SLC7A1: variants seen among roughly 807,000 people sequenced by gnomAD.
The protein encoded by SLC7A1 is solute carrier family 7 member 1, also known as high affinity cationic amino acid transporter 1.
Under a neutral mutation model 53.9 loss-of-function variants are expected in SLC7A1, and 10 were observed. That is an observed-to-expected ratio of 0.19 (90% confidence interval 0.11 to 0.31). The LOEUF (loss-of-function observed/expected upper bound fraction) is 0.31, where lower values mean the gene tolerates loss of function less well. SLC7A1 is among the 10% of genes least tolerant of loss of function. The pLI, the probability that SLC7A1 is intolerant of heterozygous loss-of-function variation, is 1.00. For missense variants in SLC7A1, 525 were observed against 827.2 expected (o/e 0.63, Z 4.48); for synonymous variants, 342 against 338.7 (o/e 1.01, Z -0.11).
chr13:29,523,417 C>A lies in SLC7A1; in HGVS notation c.898G>T (p.Ala300Ser). The A allele has an allele frequency of 6.2e-7, 1 of 1,613,914 alleles. No homozygotes were observed. The highest frequency in any genetic ancestry group is 1.3e-5 in the African/African-American group (1 of 75,014). The part of the protein sequence containing the change: ...IVASLLICFI[A>S]YFGVSAALTL... ...AGGGCAGCCGACACCCCAAAGTAGG[C>A]GATGAAGCAGATCAAGAGGGACGCC... is the stretch of plus-strand genomic sequence containing the variant. Residue 300 changes from alanine (A) to serine (S), a missense_variant, in exon 7 of 13, where the codon GCC becomes TCC. By Grantham distance (99) the Ala-to-Ser change is moderately conservative. Transcript: ENST00000380752.
At chr13:29,536,947 C>T (rs868685861) in intron 2 of SLC7A1, among the ~76,000 whole-genome samples, 1 of 152,218 alleles carries the variant, frequency 6.6e-6, no homozygotes, top group Non-Finnish European at 1.5e-5. Flanking sequence ...ATTCATCCAT[C>T]CCACCCTCAC....
chr13:29,553,315 C>T (rs567421369), intron 2 of SLC7A1, among the ~76,000 whole-genome samples: 1 of 152,318 alleles, frequency 6.6e-6, no homozygotes, highest in East Asian at 1.9e-4. Flanking sequence ...CGCATCACAG[C>T]CGCTGTGCTG....
intron 1 of SLC7A1, among the ~76,000 whole-genome samples, chr13:29,577,891 C>T (rs768324858): frequency 2.2e-4 from 33 of 152,182 alleles, no homozygotes; most frequent in South Asian, 4.1e-4. Flanking sequence ...CAAGGAGAAC[C>T]ACGTTCTTCT....
chr13:29,563,193 C>T (rs1440499344), intron 1 of SLC7A1, among the ~76,000 whole-genome samples: 1 of 152,140 alleles, frequency 6.6e-6, no homozygotes, highest in Admixed American at 6.5e-5. Context: ...TAGGTTGTCG[C>T]AATTGAAGGA....
At position 29,568,765 on chromosome 13, in the gene SLC7A1, C is replaced by T. The variant is rs552283543; in HGVS notation, c.-114-14905G>A. 3.9e-5 allele frequency among the ~76,000 whole-genome samples: 6 copies of T among 152,246 alleles called. No homozygotes were observed. In the South Asian group the frequency reaches 1.2e-3, roughly 32 times the overall value. ...GAGATGATGATCATGAGACTGAGAC[C>T]TTGTGTGGCCGCAAAGCCTAAAATA... On this transcript the variant is annotated intron_variant, in intron 1 of 12. Transcript: ENST00000380752.
chr13:29,532,846 C>T lies in SLC7A1; in HGVS notation c.507G>A (p.Val169=), dbSNP rs768071948. Residue 169 remains valine (V), a synonymous_variant, in exon 4 of 13, where the codon GTG becomes GTA. Coordinates refer to ENST00000380752, the MANE Select transcript of SLC7A1 (RefSeq NM_003045.5). ...VLAENPDIFA[V]IIILILTGLL... is the part of the protein sequence containing the mutation. ...TACCTGTCAAGATGAGAATTATGAT[C>T]ACTGCGAATATGTCGGGGTTTTCAG... 10 of 1,613,108 alleles carry T rather than the reference C, an allele frequency of 6.2e-6. No homozygotes were observed. The highest frequency in any genetic ancestry group is 1.6e-4 in the Middle Eastern group (1 of 6,082).
chr13:29,544,868 G>T (rs1226069961), intron 2 of SLC7A1, among the ~76,000 whole-genome samples: 1 of 7,738 alleles, frequency 1.3e-4, no homozygotes, highest in Non-Finnish European at 0.011. Context: ...CTGCCTCATC[G>T]GGGGGGGGGG....
rs180886402 is a variant in SLC7A1, at chr13:29,574,853, C to T, written c.-115+20563G>A. On this transcript the variant is annotated intron_variant, in intron 1 of 12. Coordinates refer to ENST00000380752, the MANE Select transcript of SLC7A1 (RefSeq NM_003045.5). The stretch of plus-strand genomic sequence containing the variant: ...TATAGACGGGGTTTCACCATGTTGG[C>T]CAGGATGGTCTCGATCTCCTGACCT... Among the ~76,000 whole-genome samples the T allele has an allele frequency of 1.1e-4, 17 of 152,146 alleles. 2 individuals are homozygous for T. The East Asian group carries it at 2.5e-3, about 22-fold the overall frequency.
rs1566248371 is a variant in SLC7A1, at chr13:29,509,556, C to T, written c.*4924G>A. The T allele has an allele frequency of 6.6e-6, 1 of 152,604 alleles. No individual in the cohort carries two copies. Among genetic ancestry groups the T allele is most frequent in the Non-Finnish European group, 1.5e-5 (1 of 68,042 alleles). 9.5% of individuals were successfully genotyped at this position (152,604 alleles called of 1,614,324 possible). A position where few individuals can be genotyped will look rare whatever the true frequency, so the allele number is the denominator to read the frequency against. ...AAAAAGGGGAGGCAGGGCAGTTTCA[C>T]ATTTTTTGAAAGGTGGTGGACGACA... On this transcript the variant is annotated 3_prime_UTR_variant, in exon 13 of 13. Transcript: ENST00000380752.
rs376996443 is a variant in SLC7A1, at chr13:29,514,184, G to C, written c.*296C>G. The stretch of plus-strand genomic sequence containing the variant: ...GTTCTGCCTGAGGCTGCGGCAGCTC[G>C]GGGCTGAGCTGGTAGGGGAGGAACT... On this transcript the variant is annotated 3_prime_UTR_variant, in exon 13 of 13. Coordinates refer to ENST00000380752, the MANE Select transcript of SLC7A1 (RefSeq NM_003045.5). 2.5e-6 allele frequency: 1 copy of C among 397,558 alleles called. No homozygotes were observed. The highest frequency in any genetic ancestry group is 4.6e-6 in the Non-Finnish European group (1 of 217,364). 24.6% of individuals were successfully genotyped at this position (397,558 alleles called of 1,614,324 possible). A position where few individuals can be genotyped will look rare whatever the true frequency, so the allele number is the denominator to read the frequency against.
chr13:29,557,484 T>A (rs1206802780), intron 1 of SLC7A1, among the ~76,000 whole-genome samples: 2 of 152,088 alleles, frequency 1.3e-5, no homozygotes, highest in South Asian at 4.2e-4. Context: ...CTGTACAGCA[T>A]GTTACTGTAC....
chr13:29,529,260 T>G (rs565837952), intron 5 of SLC7A1, among the ~76,000 whole-genome samples: 13 of 152,364 alleles, frequency 8.5e-5, no homozygotes, highest in African/African-American at 2.9e-4. Context: ...CATAGTTTCC[T>G]GTTTCCATTC....
intron 1 of SLC7A1, among the ~76,000 whole-genome samples, chr13:29,576,292 T>TAAAAAAAAA (rs146432104): frequency 5.6e-5 from 6 of 107,180 alleles, no homozygotes; most frequent in Admixed American, 1.9e-4. Flanking sequence ...ATCCTGTTTT[T>TAAAAAAAAA]TAAAAAAAAA....
At chr13:29,591,120 T>C (rs1328682535) in intron 1 of SLC7A1, among the ~76,000 whole-genome samples, 2 of 151,810 alleles carry the variant, frequency 1.3e-5, no homozygotes, top group South Asian at 2.1e-4. Context: ...AAAATATATA[T>C]ATATTTTTCT....
rs180973260 is a variant in SLC7A1, at chr13:29,514,620, G to A, written c.1787-37C>T. ...CAGCAGAGACGGGCGTGAACAGACC[G>A]CCGGTTGCACCACCGCAGGCAGGGC... On this transcript the variant is annotated intron_variant, in intron 12 of 12. Transcript: ENST00000380752. 862 of 1,499,252 alleles carry A rather than the reference G, an allele frequency of 5.7e-4. 4 individuals carry two copies. In the African/African-American group the frequency reaches 9.4e-3, roughly 16 times the overall value. The allele number at this position is 1,499,252 out of a possible 1,614,324, so 92.9% of individuals were successfully genotyped here. A position where few individuals can be genotyped will look rare whatever the true frequency, so the allele number is the denominator to read the frequency against.
chr13:29,547,872 C>CAA (rs760524495), intron 2 of SLC7A1, among the ~76,000 whole-genome samples: 94 of 152,274 alleles, frequency 6.2e-4, no homozygotes, highest in Non-Finnish European at 5.7e-4. Flanking sequence ...GGGGCTGACC[C>CAA]AAAAAACACC....
chr13:29,530,457 C>A (rs1869094745), intron 5 of SLC7A1, 81 bp downstream of exon 5: 3 of 1,233,244 alleles, frequency 2.4e-6, no homozygotes, highest in Non-Finnish European at 3.5e-6. Context: ...AAAGCACATG[C>A]CATCCTAGCC....
rs113136434 is a variant in SLC7A1, at chr13:29,542,968, T to C, written c.-14-6766A>G. The stretch of plus-strand genomic sequence containing the variant: ...GCCCTGGGGTCTACATCTGGCTGAC[T>C]CCAGGCAGCTAGTGACACGCTAAGG... On this transcript the variant is annotated intron_variant, in intron 2 of 12. Transcript: ENST00000380752. Among the ~76,000 whole-genome samples the C allele has an allele frequency of 2.8e-3, 427 of 152,316 alleles. 1 individual carries two copies. The highest frequency in any genetic ancestry group is 9.8e-3 in the African/African-American group (408 of 41,564).
At chr13:29,583,579 A>G (rs551502120) in intron 1 of SLC7A1, among the ~76,000 whole-genome samples, 1 of 152,280 alleles carries the variant, frequency 6.6e-6, no homozygotes, top group African/African-American at 2.4e-5. Context: ...GGCAACCAGG[A>G]GCCGCAGGAA....
Sources: allele counts gnomAD v4.1 joint callset (sites outside exome capture counted in the v4.1 genomes callset), GRCh38; gene constraint gnomAD v4.1.1; transcripts MANE v1.5; gene names NCBI Gene and HGNC (gene_info 2026-07-23, HGNC 2026-07-21).